GRM5: variants seen among roughly 807,000 people sequenced by gnomAD.
GRM5 encodes the protein glutamate metabotropic receptor 5.
In GRM5, 19 loss-of-function variants were observed where a neutral mutation model predicts 83.1. The observed-to-expected ratio is 0.23, with a 90% CI of 0.16 to 0.34. GRM5 has a LOEUF of 0.34. GRM5 is among the 10% of genes least tolerant of loss of function. The pLI is 1.00. For missense variants in GRM5, 1,160 were observed against 1,588.3 expected (o/e 0.73, Z 4.58); for synonymous variants, 675 against 633.6 (o/e 1.07, Z -0.98).
chr11:88,834,173 C>G (rs191539526), intron 3 of GRM5, among the ~76,000 whole-genome samples: 1 of 152,006 alleles, frequency 6.6e-6, no homozygotes, highest in Admixed American at 6.6e-5. Context: ...ACTGTAAATA[C>G]CCTAACCCTA....
In GRM5 at chr11:88,730,740, C is replaced by T. The variant is rs112435344; in HGVS notation, c.912-77337G>A. Among the ~76,000 whole-genome samples the T allele has an allele frequency of 3.6e-3, 549 of 152,188 alleles. 4 individuals carry two copies. Among genetic ancestry groups the T allele is most frequent in the Non-Finnish European group, 1.9e-3 (128 of 68,008 alleles). ...GCAGAGACATGGATGAAGCTGGAAA[C>T]CATCATTCTCAGCAAACGAACACAC... On this transcript the variant is annotated intron_variant, in intron 3 of 9. Coordinates refer to ENST00000305447, the MANE Select transcript of GRM5 (RefSeq NM_001143831.3).
chr11:88,748,249 A>G (rs1278846064), intron 3 of GRM5, among the ~76,000 whole-genome samples: 1 of 152,128 alleles, frequency 6.6e-6, no homozygotes, highest in Admixed American at 6.5e-5. Flanking sequence ...AGAGACTGGG[A>G]GTTTTACATA....
At chr11:88,792,193 CCTGTTTT>C (rs2135476050) in intron 3 of GRM5, among the ~76,000 whole-genome samples, 1 of 152,078 alleles carries the variant, frequency 6.6e-6, no homozygotes, top group Admixed American at 6.6e-5. Flanking sequence ...AATCAATAGC[CCTGTTTT>C]CTTAGTAGGG....
chr11:89,005,561 A>C (rs1226836479), intron 2 of GRM5, among the ~76,000 whole-genome samples: 7 of 152,246 alleles, frequency 4.6e-5, no homozygotes, highest in African/African-American at 1.7e-4. Flanking sequence ...TTTAATGTTG[A>C]ATTCTGGAGT....
intron 2 of GRM5, among the ~76,000 whole-genome samples, chr11:88,967,054 T>C (rs1283676334): frequency 1.3e-5 from 2 of 151,984 alleles, no homozygotes; most frequent in Admixed American, 1.3e-4. Flanking sequence ...GTACATCTAA[T>C]AAAATTTGAG....
chr11:88,628,537 A>T (rs561025399), intron 4 of GRM5, among the ~76,000 whole-genome samples: 477 of 152,338 alleles, frequency 3.1e-3, no homozygotes, highest in South Asian at 6.8e-3. Flanking sequence ...GCAACAGCTC[A>T]AATATCCTGG....
intron 3 of GRM5, among the ~76,000 whole-genome samples, chr11:88,839,667 C>A (rs1944160946): frequency 6.6e-6 from 1 of 152,168 alleles, no homozygotes; most frequent in Non-Finnish European, 1.5e-5. Flanking sequence ...CTCTTTACCT[C>A]ATTTTCCCTT....
intron 2 of GRM5, among the ~76,000 whole-genome samples, chr11:88,936,517 A>G (rs764450890): frequency 1.3e-4 from 20 of 151,890 alleles, no homozygotes; most frequent in Non-Finnish European, 2.4e-4. Context: ...CAAATAAAGA[A>G]AAGCTGTGAA....
At position 88,925,718 on chromosome 11, in the gene GRM5, C is replaced by T. The variant is rs183493180; in HGVS notation, c.662-75563G>A. ...CTTGAGGCCAAGAGTTGAAGACCAGCCTGGCCAAGATGACAAAACCACAAC... is the reference window on the plus strand; with the variant it reads ...CTTGAGGCCAAGAGTTGAAGACCAGTCTGGCCAAGATGACAAAACCACAAC... On this transcript the variant is annotated intron_variant, in intron 2 of 9. Coordinates refer to ENST00000305447, the MANE Select transcript of GRM5 (RefSeq NM_001143831.3). The T allele has an allele frequency of 1.3e-3, 583 of 453,114 alleles. 2 individuals carry two copies. The highest frequency in any genetic ancestry group is 9.7e-3 in the African/African-American group (487 of 49,958). 28.1% of individuals were successfully genotyped at this position (453,114 alleles called of 1,614,324 possible).
chr11:88,652,235 A>G (rs1360011105), intron 4 of GRM5, among the ~76,000 whole-genome samples: 1 of 152,132 alleles, frequency 6.6e-6, no homozygotes, highest in Non-Finnish European at 1.5e-5. Flanking sequence ...ATTTTCCTGC[A>G]ATGCAAATGC....
intron 2 of GRM5, among the ~76,000 whole-genome samples, chr11:88,914,754 C>T (rs34553017): frequency 0.015 from 2,303 of 152,248 alleles, 26 homozygotes; most frequent in Middle Eastern, 0.048. Flanking sequence ...ATCCACTTTA[C>T]TTTCAAGGAA....
intron 2 of GRM5, among the ~76,000 whole-genome samples, chr11:88,894,721 G>A (rs1945203630): frequency 6.6e-6 from 1 of 151,930 alleles, no homozygotes. Context: ...TCCCCAAAGT[G>A]AGAGTATTAA....
intron 2 of GRM5, among the ~76,000 whole-genome samples, chr11:88,992,640 A>G (rs1341220496): frequency 2.6e-5 from 4 of 151,420 alleles, no homozygotes; most frequent in African/African-American, 7.3e-5. Flanking sequence ...GTGATAGACT[A>G]GATTAAGAAA....
chr11:88,922,782 G>A (rs1945714735), intron 2 of GRM5, among the ~76,000 whole-genome samples: 1 of 152,098 alleles, frequency 6.6e-6, no homozygotes, highest in East Asian at 1.9e-4. Context: ...TCAACAAAGT[G>A]AAGAGACAAC....
At chr11:88,662,854 A>G (rs546714421) in intron 3 of GRM5, among the ~76,000 whole-genome samples, 1 of 152,320 alleles carries the variant, frequency 6.6e-6, no homozygotes, top group Admixed American at 6.5e-5. Context: ...AAATTCAGCC[A>G]AAAACTTGAA....
In GRM5 at chr11:88,748,296, A is replaced by T. The variant is rs555811144; in HGVS notation, c.912-94893T>A. Among the ~76,000 whole-genome samples the T allele has an allele frequency of 4.5e-4, 69 of 152,264 alleles. 1 individual carries two copies. The highest frequency in any genetic ancestry group is 1.7e-3 in the African/African-American group (69 of 41,566). On this transcript the variant is annotated intron_variant, in intron 3 of 9. Transcript: ENST00000305447. ...GGATTCCTAGCAAGGCATGAAAGCC[A>T]ACCATAGCTATACCTAGGAAGGGAG...
chr11:88,540,075 A>G (rs1942230515), intron 8 of GRM5, among the ~76,000 whole-genome samples: 1 of 152,200 alleles, frequency 6.6e-6, no homozygotes, highest in African/African-American at 2.4e-5. Flanking sequence ...AGGGACATTT[A>G]TGAAATGCAA....
intron 1 of GRM5, among the ~76,000 whole-genome samples, chr11:89,061,262 T>C (rs1941987234): frequency 6.6e-6 from 1 of 152,332 alleles, no homozygotes; most frequent in South Asian, 2.1e-4. Context: ...CCCATGAGGA[T>C]AGAAAACCTG....
intron 7 of GRM5, among the ~76,000 whole-genome samples, chr11:88,581,232 A>G (rs922290261): frequency 1.3e-5 from 2 of 152,230 alleles, no homozygotes; most frequent in African/African-American, 4.8e-5. Flanking sequence ...TTTCATCACT[A>G]TATTTTAAAA....
Sources: allele counts gnomAD v4.1 joint callset (sites outside exome capture counted in the v4.1 genomes callset), GRCh38; gene constraint gnomAD v4.1.1; transcripts MANE v1.5; gene names NCBI Gene and HGNC (gene_info 2026-07-23, HGNC 2026-07-21).